Variants in ABCG1 observed in about 807,000 individuals in gnomAD.
ABCG1 encodes the protein ATP binding cassette subfamily G member 1, also known as ATP-binding cassette sub-family G member 1.
A neutral mutation model predicts 69.2 loss-of-function variants in ABCG1; 29 were observed. The ratio of observed to expected loss-of-function variants is 0.42; its 90% CI spans 0.31 to 0.57. ABCG1 has a LOEUF of 0.57. Ranked by LOEUF, ABCG1 falls within the 20% of genes least tolerant of loss-of-function variation. The pLI is 0.15. For missense variants in ABCG1, 718 were observed against 898.1 expected (o/e 0.80, Z 2.56); for synonymous variants, 370 against 374.8 (o/e 0.99, Z 0.15).
At chr21:42,210,796 T>C (rs1443995175) in intron 2 of ABCG1, among the ~76,000 whole-genome samples, 1 of 151,930 alleles carries the variant, frequency 6.6e-6, no homozygotes, top group African/African-American at 2.4e-5. Flanking sequence ...TCCCACAGGC[T>C]GTGTGTGCTT....
At chr21:42,285,190 C>T (rs58980556) in intron 7 of ABCG1, among the ~76,000 whole-genome samples, 1 of 152,052 alleles carries the variant, frequency 6.6e-6, no homozygotes, top group Non-Finnish European at 1.5e-5. Flanking sequence ...TGCACAGTAT[C>T]ATTTGGTTTA....
At chr21:42,205,806 A>G (rs1300102512) in intron 2 of ABCG1, among the ~76,000 whole-genome samples, 1 of 151,978 alleles carries the variant, frequency 6.6e-6, no homozygotes, top group Admixed American at 6.5e-5. Context: ...CTCATTTCCA[A>G]TGTATATGAA....
In ABCG1 at chr21:42,288,413, A is replaced by C. The variant is rs750031188; in HGVS notation, c.1224+101A>C. The C allele has an allele frequency of 1.1e-6, 1 of 887,586 alleles. No homozygotes were observed. The highest frequency in any genetic ancestry group is 1.7e-5 in the African/African-American group (1 of 60,240). 55.0% of individuals were successfully genotyped at this position (887,586 alleles called of 1,614,324 possible). On this transcript the variant is annotated intron_variant, in intron 10 of 14. Transcript: ENST00000398449. This position sits in a 1 kb window ranked among gnomAD's most constrained non-coding sequence, Gnocchi z 4.8. ...GTTCGTTCATTCTCACATTGCTATA[A>C]AGAAATTCATGAGGCCAGGCATGGT... is the stretch of plus-strand genomic sequence containing the variant.
At chr21:42,242,648 T>C (rs2068068585) in intron 2 of ABCG1, among the ~76,000 whole-genome samples, 1 of 152,210 alleles carries the variant, frequency 6.6e-6, no homozygotes, top group African/African-American at 2.4e-5. Context: ...ACTTGGCTGC[T>C]GGAGAACGCT....
In ABCG1 at chr21:42,219,324, G is replaced by A. The variant is rs770678952; in HGVS notation, c.42+20G>A. ...GCCATGGTGAGTGAGCGCATCCTTCGTCCGCCGGGAACGGTTTTATTTTCA... is the reference window on the plus strand; with the variant it reads ...GCCATGGTGAGTGAGCGCATCCTTCATCCGCCGGGAACGGTTTTATTTTCA... On this transcript the variant is annotated intron_variant, in intron 1 of 14. Transcript: ENST00000398449. This position sits in a 1 kb window ranked among gnomAD's most constrained non-coding sequence, Gnocchi z 5.3. 6 of 1,596,644 alleles carry A rather than the reference G, an allele frequency of 3.8e-6. No homozygotes were observed.
chr21:42,206,727 C>T (rs1355734380), intron 2 of ABCG1, among the ~76,000 whole-genome samples: 1 of 152,110 alleles, frequency 6.6e-6, no homozygotes, highest in African/African-American at 2.4e-5. Flanking sequence ...AAAGTGCTGT[C>T]CTTCTTGATG....
chr21:42,267,280 G>A (rs2068521962), intron 2 of ABCG1, among the ~76,000 whole-genome samples: 2 of 152,202 alleles, frequency 1.3e-5, no homozygotes, highest in South Asian at 4.1e-4. Context: ...GTCTGGTTTG[G>A]GTTCTGTCTG....
Position 42,291,509 on chromosome 21 carries a change from A to G in ABCG1, c.1506A>G (p.Pro502=). ...GTCCTTGTTTCCAGATCATGTTCCCAGTGGCCTACTGCAGCATCGTGTACT... is the reference window on the plus strand; with the variant it reads ...GTCCTTGTTTCCAGATCATGTTCCCGGTGGCCTACTGCAGCATCGTGTACT... ...MADVPFQIMF[P]VAYCSIVYWM... The change falls in exon 13 of 15, where the codon CCA becomes CCG. Residue 502 remains proline (P), a synonymous_variant. Coordinates refer to ENST00000398449, the MANE Select transcript of ABCG1 (RefSeq NM_016818.3). This position sits in a 1 kb window ranked among gnomAD's most constrained non-coding sequence, Gnocchi z 6.4. 6.2e-7 allele frequency: 1 copy of G among 1,610,232 alleles called. No homozygotes were observed. The highest frequency in any genetic ancestry group is 8.5e-7 in the Non-Finnish European group (1 of 1,177,018).
intron 13 of ABCG1, among the ~76,000 whole-genome samples, chr21:42,293,273 T>C (rs1340149657): frequency 4.1e-4 from 32 of 77,550 alleles, no homozygotes; most frequent in South Asian, 1.3e-3. Flanking sequence ...ACTACACACA[T>C]ACCACACTAC....
chr21:42,278,556 G>A (rs1192551371), intron 5 of ABCG1, among the ~76,000 whole-genome samples: 1 of 152,176 alleles, frequency 6.6e-6, no homozygotes, highest in Admixed American at 6.5e-5. Flanking sequence ...GGATGGCCCC[G>A]TGAGGACACA....
At chr21:42,269,300 CAG>C (rs1207127677) in intron 2 of ABCG1, among the ~76,000 whole-genome samples, 2 of 152,208 alleles carry the variant, frequency 1.3e-5, no homozygotes, top group Non-Finnish European at 2.9e-5. Flanking sequence ...CTCCATGGTG[CAG>C]AGAGCTTGCT....
At chr21:42,260,990 T>G (rs2068400041) in intron 2 of ABCG1, among the ~76,000 whole-genome samples, 1 of 151,954 alleles carries the variant, frequency 6.6e-6, no homozygotes, top group Admixed American at 6.5e-5. Flanking sequence ...CCCGGCTAAT[T>G]TTTTGTATTT....
At chr21:42,210,724 C>T (rs888354823) in intron 2 of ABCG1, among the ~76,000 whole-genome samples, 6 of 132,874 alleles carry the variant, frequency 4.5e-5, no homozygotes, top group Non-Finnish European at 7.8e-5. Context: ...CCCCTCCCTC[C>T]ACCCTGCACC....
At chr21:42,267,158 G>A (rs1451550761) in intron 2 of ABCG1, among the ~76,000 whole-genome samples, 1 of 152,228 alleles carries the variant, frequency 6.6e-6, no homozygotes, top group Non-Finnish European at 1.5e-5. Context: ...GGGGAGTGGA[G>A]CCTTCCTCCC....
At chr21:42,280,899 C>A (rs2068796958) in intron 5 of ABCG1, among the ~76,000 whole-genome samples, 1 of 152,226 alleles carries the variant, frequency 6.6e-6, no homozygotes, top group Non-Finnish European at 1.5e-5. Flanking sequence ...CCTTGCACGC[C>A]CCCCACCCAC....
upstream of ABCG1, among the ~76,000 whole-genome samples, chr21:42,213,085 G>A (rs1258365214): frequency 6.6e-6 from 1 of 152,254 alleles, no homozygotes; most frequent in Non-Finnish European, 1.5e-5. Flanking sequence ...ATGTTTAGAA[G>A]ATCAAGGGTG....
chr21:42,201,966 A>T (rs758744911), intron 2 of ABCG1, among the ~76,000 whole-genome samples: 13 of 152,046 alleles, frequency 8.6e-5, no homozygotes, highest in Admixed American at 2.0e-4. Flanking sequence ...TGGGGACTTG[A>T]ACTCTGCCCT....
At chr21:42,251,705 G>A (rs1213969982) in intron 2 of ABCG1, among the ~76,000 whole-genome samples, 1 of 152,190 alleles carries the variant, frequency 6.6e-6, no homozygotes, top group East Asian at 1.9e-4. Context: ...TGAACCCCAG[G>A]CCTAGGCACA....
At chr21:42,280,864 C>A (rs1006248813) in intron 5 of ABCG1, among the ~76,000 whole-genome samples, 2 of 152,198 alleles carry the variant, frequency 1.3e-5, no homozygotes, top group Admixed American at 1.3e-4. Context: ...GCAGTCGATG[C>A]CAGCTGGGAA....
Sources: allele counts gnomAD v4.1 joint callset (sites outside exome capture counted in the v4.1 genomes callset), GRCh38; gene constraint gnomAD v4.1.1; non-coding constraint Gnocchi (gnomAD v3.1); transcripts MANE v1.5; gene names NCBI Gene and HGNC (gene_info 2026-07-23, HGNC 2026-07-21).